Variants in ALK observed in about 807,000 individuals in gnomAD.
ALK encodes ALK receptor tyrosine kinase.
Under a neutral mutation model 163.1 loss-of-function variants are expected in ALK, and 74 were observed. That is an observed-to-expected ratio of 0.45 (90% CI 0.38 to 0.55). ALK has a LOEUF of 0.55. Ranked by LOEUF, ALK falls within the 20% of genes least tolerant of loss-of-function variation. ALK has a pLI of 0.00. For missense variants in ALK, 2,063 were observed against 2,105.3 expected (o/e 0.98, Z 0.39); for synonymous variants, 960 against 843.2 (o/e 1.14, Z -2.40).
At chr2:29,215,244 C>A (rs1295001298) in intron 23 of ALK, among the ~76,000 whole-genome samples, 6 of 152,192 alleles carry the variant, frequency 3.9e-5, no homozygotes, top group Admixed American at 1.3e-4. Context: ...AGTCACCCAG[C>A]CAGGCGGCAG....
rs79619967 is a variant in ALK at position 29,462,540 on chromosome 2, A to G, written c.1154+69375T>C. On this transcript the variant is annotated intron_variant, in intron 4 of 28. Transcript: ENST00000389048. ...CTCACCGAAGGCTCAAATGATTGTT[A>G]GCATATTTTAGCAATAAAACATTTT... is the stretch of plus-strand genomic sequence containing the variant. 3.7e-3 allele frequency among the ~76,000 whole-genome samples: 562 copies of G among 152,312 alleles called. 5 individuals are homozygous for G. The highest frequency in any genetic ancestry group is 6.0e-3 in the Non-Finnish European group (410 of 68,022).
chr2:29,609,751 C>G (rs1675639035), intron 3 of ALK, among the ~76,000 whole-genome samples: 1 of 151,780 alleles, frequency 6.6e-6, no homozygotes, highest in African/African-American at 2.4e-5. Context: ...TCAAGCAATT[C>G]TCCCACCTCA....
chr2:29,392,118 T>C (rs747024239), intron 4 of ALK, among the ~76,000 whole-genome samples: 1 of 152,214 alleles, frequency 6.6e-6, no homozygotes, highest in Non-Finnish European at 1.5e-5. Context: ...GACTGTGTGG[T>C]GGGATTTGGG....
chr2:29,193,430 C>A lies in ALK; in HGVS notation c.4657G>T (p.Ala1553Ser), dbSNP rs745390287. ...PNVATGRLPG[A>S]SLLLEPSSLT... ...GAAGAGGGCTCTAGGAGCAGTGAGG[C>A]CCCCGGAAGTCTCCCAGTTGCAACG... Residue 1553 changes from alanine to serine, a missense_variant, in exon 29 of 29, where the codon GCC becomes TCC. Around this residue, in one of 5 missense-constraint regions of ALK, gnomAD observed 403 missense variants for 366.2 expected, o/e 1.10. Transcript: ENST00000389048. The A allele has an allele frequency of 6.2e-7, 1 of 1,614,164 alleles. No individual in the cohort carries two copies. Among genetic ancestry groups the A allele is most frequent in the African/African-American group, 1.3e-5 (1 of 75,034 alleles).
chr2:29,364,322 G>A (rs1418527834), intron 5 of ALK, among the ~76,000 whole-genome samples: 1 of 152,142 alleles, frequency 6.6e-6, no homozygotes, highest in Non-Finnish European at 1.5e-5. Flanking sequence ...AATGGAGTAT[G>A]GTGAGTTGCT....
chr2:29,664,714 G>T (rs945116438), intron 3 of ALK, among the ~76,000 whole-genome samples: 2 of 152,076 alleles, frequency 1.3e-5, no homozygotes, highest in Admixed American at 6.6e-5. Context: ...CTTGTCCCAG[G>T]TCCTACTATC....
intron 1 of ALK, among the ~76,000 whole-genome samples, chr2:29,755,857 C>A (rs1680507695): frequency 6.6e-6 from 1 of 152,134 alleles, no homozygotes; most frequent in East Asian, 1.9e-4. Flanking sequence ...TGCCGCATCA[C>A]CCATCCATCC....
chr2:29,821,557 C>A (rs1317674313), intron 1 of ALK, among the ~76,000 whole-genome samples: 2 of 152,258 alleles, frequency 1.3e-5, no homozygotes, highest in South Asian at 4.1e-4. Flanking sequence ...CCAAGACCAA[C>A]CCCCACAAAT....
chr2:29,773,350 G>A (rs964678799), intron 1 of ALK, among the ~76,000 whole-genome samples: 2 of 152,120 alleles, frequency 1.3e-5, no homozygotes, highest in African/African-American at 2.4e-5. Flanking sequence ...GAAATCCTAT[G>A]TAGAAACAGA....
intron 4 of ALK, among the ~76,000 whole-genome samples, chr2:29,527,294 G>A (rs1672982604): frequency 6.6e-6 from 1 of 152,140 alleles, no homozygotes; most frequent in Admixed American, 6.5e-5. Flanking sequence ...GGGATCTTTG[G>A]TCAGAACTGA....
At chr2:29,313,139 C>T (rs189692548) in intron 8 of ALK, among the ~76,000 whole-genome samples, 2 of 152,286 alleles carry the variant, frequency 1.3e-5, no homozygotes, top group Admixed American at 6.5e-5. Context: ...TAGGGGCTTG[C>T]TTGTTCTTCT....
rs1472378906 is a variant in ALK, at chr2:29,227,065, C to A, written c.2924G>T (p.Gly975Val). The A allele has an allele frequency of 6.2e-7, 1 of 1,614,170 alleles. No individual in the cohort carries two copies. The highest frequency in any genetic ancestry group is 8.5e-7 in the Non-Finnish European group (1 of 1,180,040). Reference sequence around the variant, plus strand: ...ATGCTTAATATTCACTTCCCCGTGGCCTTCCATCACTAGTGACAAGGAGGG... The same window carrying A: ...ATGCTTAATATTCACTTCCCCGTGGACTTCCATCACTAGTGACAAGGAGGG... Reference protein sequence around the residue: ...LYTPALKVMEGHGEVNIKHYL... With the variant: ...LYTPALKVMEVHGEVNIKHYL... The change falls in exon 18 of 29, where the codon GGC (glycine) becomes GTC (valine). Residue 975 changes from glycine (G) to valine (V), a missense_variant. By Grantham distance (109) the Gly-to-Val change is moderately radical. Transcript: ENST00000389048. This position sits in a 1 kb window ranked among gnomAD's most constrained non-coding sequence, Gnocchi z 4.4.
At chr2:29,253,590 A>G (rs1664877012) in intron 11 of ALK, among the ~76,000 whole-genome samples, 1 of 152,118 alleles carries the variant, frequency 6.6e-6, no homozygotes, top group Non-Finnish European at 1.5e-5. Context: ...CCGTGCCAAC[A>G]GCACCTGGGA....
At chr2:29,231,064 G>A (rs144699436) in intron 15 of ALK, among the ~76,000 whole-genome samples, 2,375 of 152,296 alleles carry the variant, frequency 0.016, 151 homozygotes, top group Admixed American at 0.11. Flanking sequence ...CTGGCCAGGC[G>A]TGGTGGCTCA....
intron 1 of ALK, among the ~76,000 whole-genome samples, chr2:29,838,466 G>A (rs142661923): frequency 0.016 from 2,472 of 152,116 alleles, 64 homozygotes; most frequent in African/African-American, 0.053. Flanking sequence ...TAAAAGATTT[G>A]TATAAAAATG....
chr2:29,453,483 G>C (rs891458977), intron 4 of ALK, among the ~76,000 whole-genome samples: 10 of 152,036 alleles, frequency 6.6e-5, no homozygotes, highest in Admixed American at 6.6e-4. Flanking sequence ...CAGTCCTCCT[G>C]CCTTGGTCTC....
intron 3 of ALK, among the ~76,000 whole-genome samples, chr2:29,592,107 T>C (rs147536458): frequency 0.01 from 1,556 of 152,012 alleles, 18 homozygotes; most frequent in South Asian, 0.049. Flanking sequence ...GGAGTGAGAG[T>C]TGGGCAGTGG....
intron 3 of ALK, among the ~76,000 whole-genome samples, chr2:29,628,663 T>C (rs1011088055): frequency 1.3e-5 from 2 of 152,224 alleles, no homozygotes. Flanking sequence ...TCAGAAAATA[T>C]GTCTGGCTAC....
At chr2:29,788,467 G>A (rs975551509) in intron 1 of ALK, among the ~76,000 whole-genome samples, 2 of 152,178 alleles carry the variant, frequency 1.3e-5, no homozygotes, top group South Asian at 2.1e-4. Flanking sequence ...TTGCTTGCAC[G>A]ATGGACTCCC....
Sources: allele counts gnomAD v4.1 joint callset (sites outside exome capture counted in the v4.1 genomes callset), GRCh38; gene constraint gnomAD v4.1.1; regional missense constraint gnomAD v4.1.1; non-coding constraint Gnocchi (gnomAD v3.1); transcripts MANE v1.5; gene names NCBI Gene and HGNC (gene_info 2026-07-23, HGNC 2026-07-21).